Variants in KYNU observed in about 807,000 individuals in gnomAD.
KYNU encodes L-kynurenine hydrolase.
In KYNU, 54 loss-of-function variants were observed where a neutral mutation model predicts 59.2. That is an observed-to-expected ratio of 0.91 (90% CI 0.73 to 1.14). The LOEUF (loss-of-function observed/expected upper bound fraction) is 1.14. Among genes scored for constraint, KYNU ranks in the 50% most tolerant of loss-of-function variants. The pLI, the probability that KYNU is intolerant of heterozygous loss-of-function variation, is 0.00. For synonymous variants in KYNU, 177 were observed against 192.0 expected (o/e 0.92, Z 0.65); for missense variants, 567 against 554.4 (o/e 1.02, Z -0.23).
chr2:143,028,872 CAA>C (rs1686657056), intron 10 of KYNU, among the ~76,000 whole-genome samples: 1 of 150,584 alleles, frequency 6.6e-6, no homozygotes, highest in Non-Finnish European at 1.5e-5. Context: ...CAAAACAAAA[CAA>C]AACAAAAACA....
chr2:142,926,217 A>G (rs1318722821), intron 3 of KYNU, among the ~76,000 whole-genome samples: 1 of 152,122 alleles, frequency 6.6e-6, no homozygotes. Context: ...ACCATGGCAC[A>G]TGTATACTTA....
intron 8 of KYNU, 120 bp downstream of exon 8, chr2:142,960,890 T>TTAAA: frequency 1.1e-6 from 1 of 931,358 alleles, no homozygotes; most frequent in South Asian, 1.5e-5. Context: ...TTTCAAAAGT[T>TTAAA]AAAAAAAAAA....
Position 142,951,835 on chromosome 2 carries a change from A to G in KYNU, c.374-2975A>G, listed in dbSNP as rs556556320. Among the ~76,000 whole-genome samples the G allele has an allele frequency of 9.6e-4, 146 of 152,374 alleles. 1 individual carries two copies. The highest frequency in any genetic ancestry group is 1.2e-4 in the Non-Finnish European group (8 of 68,040). ...CAATAATGTTTGTATATGTGTACAG[A>G]AAAATTGTTCAAATCAGGAAGGGAT... On this transcript the variant is annotated intron_variant, in intron 4 of 13. Transcript: ENST00000264170.
chr2:143,052,246 A>G lies in KYNU; in HGVS notation c.*10074A>G, dbSNP rs1170575492. On this transcript the variant is annotated 3_prime_UTR_variant, in exon 14 of 14. Coordinates refer to ENST00000264170, the MANE Select transcript of KYNU (RefSeq NM_003937.3). The stretch of plus-strand genomic sequence containing the variant: ...AGGTGACTTGGTTGCTATTAAAGGC[A>G]TTCAGTTTTAAAAGGGAAATACAGC... The G allele has an allele frequency of 6.6e-6, 1 of 152,416 alleles. No homozygotes were observed. Among genetic ancestry groups the G allele is most frequent in the African/African-American group, 2.4e-5 (1 of 41,464 alleles). The allele number at this position is 152,416 out of a possible 1,614,324, so 9.4% of individuals were successfully genotyped here.
intron 3 of KYNU, among the ~76,000 whole-genome samples, chr2:142,923,523 G>C (rs1682952436): frequency 6.6e-6 from 1 of 152,142 alleles, no homozygotes; most frequent in Non-Finnish European, 1.5e-5. Context: ...TAGGCAATAG[G>C]CATGAAGTAT....
chr2:143,043,220 A>G lies in KYNU; in HGVS notation c.*1048A>G, dbSNP rs1457139302. The stretch of plus-strand genomic sequence containing the variant: ...TAACCCCAAGATCTTTTTGGGGATT[A>G]GAGATATAAGAAATATGTGCTCCAT... On this transcript the variant is annotated 3_prime_UTR_variant, in exon 14 of 14. Transcript: ENST00000264170. The G allele has an allele frequency of 6.6e-6, 1 of 152,026 alleles. No homozygotes were observed. Among genetic ancestry groups the G allele is most frequent in the African/African-American group, 2.4e-5 (1 of 41,436 alleles). 9.4% of individuals were successfully genotyped at this position (152,026 alleles called of 1,614,324 possible).
chr2:142,912,615 G>A (rs1442822640), intron 2 of KYNU, among the ~76,000 whole-genome samples: 8 of 151,390 alleles, frequency 5.3e-5, no homozygotes, highest in Non-Finnish European at 2.9e-5. Flanking sequence ...CCAACCTCAG[G>A]TGATCCGCCC....
At chr2:142,928,127 AACACC>A (rs1683101720) in intron 4 of KYNU, among the ~76,000 whole-genome samples, 1 of 152,166 alleles carries the variant, frequency 6.6e-6, no homozygotes, top group South Asian at 2.1e-4. Flanking sequence ...AAAGGTGTAA[AACACC>A]AATCATGTTT....
chr2:142,936,285 G>A (rs137935959), intron 4 of KYNU, among the ~76,000 whole-genome samples: 1 of 152,268 alleles, frequency 6.6e-6, no homozygotes, highest in East Asian at 1.9e-4. Flanking sequence ...AAATTATAAA[G>A]TCAAATGTTT....
At position 143,044,768 on chromosome 2, in the gene KYNU, G is replaced by T. The variant is rs138801417; in HGVS notation, c.*2596G>T. The T allele has an allele frequency of 6.6e-6, 1 of 151,782 alleles. No homozygotes were observed. The highest frequency in any genetic ancestry group is 6.6e-5 in the Admixed American group (1 of 15,188). The allele number at this position is 151,782 out of a possible 1,614,324, so 9.4% of individuals were successfully genotyped here. On this transcript the variant is annotated 3_prime_UTR_variant, in exon 14 of 14. Coordinates refer to ENST00000264170, the MANE Select transcript of KYNU (RefSeq NM_003937.3). ...GGATAGATTGCAAAAATTTTCTCCC[G>T]TTCTGTAGGTTGCCCGATCACTCTG...
chr2:142,985,721 C>G (rs1685178769), intron 9 of KYNU, among the ~76,000 whole-genome samples: 1 of 151,716 alleles, frequency 6.6e-6, no homozygotes, highest in Non-Finnish European at 1.5e-5. Flanking sequence ...CAAAATTGCC[C>G]CGTAAAAGTA....
At chr2:142,955,006 G>A (rs1684117015) in intron 5 of KYNU, 135 bp downstream of exon 5, 3 of 647,020 alleles carry the variant, frequency 4.6e-6, no homozygotes, top group Non-Finnish European at 8.4e-6. Context: ...TTTTTACTAG[G>A]AAATGCTGGA....
At chr2:142,955,430 T>C (rs1167808326) in intron 5 of KYNU, among the ~76,000 whole-genome samples, 1 of 152,096 alleles carries the variant, frequency 6.6e-6, no homozygotes, top group Admixed American at 6.5e-5. Context: ...GACTGCCCAA[T>C]GCTTTAAAGA....
intron 8 of KYNU, among the ~76,000 whole-genome samples, chr2:142,962,558 C>T (rs1215219075): frequency 6.6e-6 from 1 of 152,150 alleles, no homozygotes; most frequent in African/African-American, 2.4e-5. Flanking sequence ...AAATCTCATA[C>T]TTAAGTACTT....
intron 10 of KYNU, among the ~76,000 whole-genome samples, chr2:143,028,520 G>A (rs1259242595): frequency 6.7e-6 from 1 of 149,142 alleles, no homozygotes; most frequent in Non-Finnish European, 1.5e-5. Context: ...GGGATTACAG[G>A]TGTGAGCCAC....
intron 4 of KYNU, among the ~76,000 whole-genome samples, chr2:142,937,277 A>G (rs1314750881): frequency 6.6e-6 from 1 of 152,136 alleles, no homozygotes; most frequent in African/African-American, 2.4e-5. Context: ...TTCAGGCCCC[A>G]GGAAGAATCT....
chr2:142,988,758 T>A (rs928422409), intron 10 of KYNU: 1 of 916,094 alleles, frequency 1.1e-6, no homozygotes, highest in African/African-American at 1.6e-5. Flanking sequence ...TTAAGTGATG[T>A]CAGTGACTGA....
rs758019542 is a variant in KYNU, at chr2:142,952,264, CAG to C, written c.374-2545_374-2544del. Among the ~76,000 whole-genome samples, 10 of 152,026 alleles carry C rather than the reference CAG, an allele frequency of 6.6e-5. No homozygotes were observed. The East Asian group carries it at 1.7e-3, about 26-fold the overall frequency. On this transcript the variant is annotated intron_variant, in intron 4 of 13. Coordinates refer to ENST00000264170, the MANE Select transcript of KYNU (RefSeq NM_003937.3). ...CTGTTTTTTGTATTTTTAGTAGAGA[CAG>C]GGTCTCACCATGTTGCCCAGGCTGG...
intron 10 of KYNU, among the ~76,000 whole-genome samples, chr2:143,024,391 C>G (rs1456362773): frequency 6.6e-6 from 1 of 151,970 alleles, no homozygotes; most frequent in Non-Finnish European, 1.5e-5. Flanking sequence ...ATAGTTTCAC[C>G]AGTCATCTCT....
Sources: allele counts gnomAD v4.1 joint callset (sites outside exome capture counted in the v4.1 genomes callset), GRCh38; gene constraint gnomAD v4.1.1; transcripts MANE v1.5; gene names NCBI Gene and HGNC (gene_info 2026-07-23, HGNC 2026-07-21).